Variants in ALMS1 observed in about 807,000 individuals in gnomAD.
The protein encoded by ALMS1 is ALMS1 centrosome and basal body associated protein.
Under a neutral mutation model 352.2 loss-of-function variants are expected in ALMS1, and 271 were observed. The ratio of observed to expected loss-of-function variants is 0.77; its 90% CI spans 0.70 to 0.85. ALMS1 has a LOEUF of 0.85. Ranked by LOEUF, ALMS1 falls within the 40% of genes least tolerant of loss-of-function variation. ALMS1 has a pLI of 0.00. For missense variants in ALMS1, 5,445 were observed against 4,870.7 expected (o/e 1.12, Z -3.51); for synonymous variants, 1,865 against 1,761.2 (o/e 1.06, Z -1.48).
chr2:73,422,723 G>A, intron 3 of ALMS1, 134 bp from the exon 4 acceptor site: 2 of 752,472 alleles, frequency 2.7e-6, no homozygotes, highest in Non-Finnish European at 4.6e-6. Context: ...TACTGCTGTT[G>A]CTTTTATATT....
chr2:73,477,290 AC>A (rs913638652), intron 9 of ALMS1, among the ~76,000 whole-genome samples: 2 of 152,048 alleles, frequency 1.3e-5, no homozygotes, highest in Admixed American at 1.3e-4. Context: ...AAATCAATTT[AC>A]CATAAATGTT....
In ALMS1 at chr2:73,453,242, G is replaced by C. The variant is rs891950136; in HGVS notation, c.6715G>C (p.Ala2239Pro). The change falls in exon 8 of 23, where the codon GCA becomes CCA. Residue 2239 changes from alanine (A) to proline (P), a missense_variant. Ala to Pro is a conservative substitution (Grantham distance 27, BLOSUM62 -1). Transcript: ENST00000613296. ...DRVVINKPES[A>P]GFRDVGSEEI... ...AGTTGTAATAAATAAACCAGAATCT[G>C]CAGGTTTTAGAGATGTTGGCTCTGA... 1.2e-6 allele frequency: 2 copies of C among 1,613,792 alleles called. No homozygotes were observed. Among genetic ancestry groups the C allele is most frequent in the Non-Finnish European group, 1.7e-6 (2 of 1,179,964 alleles).
chr2:73,550,047 A>G (rs1008026405), intron 12 of ALMS1, among the ~76,000 whole-genome samples: 5 of 152,112 alleles, frequency 3.3e-5, no homozygotes, highest in African/African-American at 1.2e-4. Flanking sequence ...TTTAGTAGAA[A>G]TGGGGTTTCA....
At chr2:73,607,570 T>C (rs1194960218) in intron 21 of ALMS1, among the ~76,000 whole-genome samples, 1 of 152,130 alleles carries the variant, frequency 6.6e-6, no homozygotes, top group Non-Finnish European at 1.5e-5. Context: ...AACACTCATT[T>C]TCCCCACCTT....
intron 1 of ALMS1, among the ~76,000 whole-genome samples, chr2:73,389,793 A>C (rs1240407803): frequency 1.3e-5 from 2 of 152,060 alleles, no homozygotes; most frequent in East Asian, 3.9e-4. Context: ...GGGTTCAAGC[A>C]ATTCTCCTGC....
At chr2:73,554,234 A>G (rs952258168) in intron 13 of ALMS1, among the ~76,000 whole-genome samples, 2 of 151,854 alleles carry the variant, frequency 1.3e-5, no homozygotes, top group African/African-American at 4.8e-5. Context: ...TCCAGGACAA[A>G]AAAAAAAAAA....
At chr2:73,387,277 C>T (rs1252529883) in intron 1 of ALMS1, among the ~76,000 whole-genome samples, 2 of 152,330 alleles carry the variant, frequency 1.3e-5, no homozygotes, top group African/African-American at 4.8e-5. Flanking sequence ...GCTTGGTGAA[C>T]CCAAACATTT....
At chr2:73,582,397 A>T (rs1675205064) in intron 16 of ALMS1, among the ~76,000 whole-genome samples, 1 of 152,220 alleles carries the variant, frequency 6.6e-6, no homozygotes, top group South Asian at 2.1e-4. Context: ...ATACCAAAAA[A>T]TTCCCTTCTT....
chr2:73,484,235 T>C lies in ALMS1; in HGVS notation c.7675-5399T>C, dbSNP rs9711238. The stretch of plus-strand genomic sequence containing the variant: ...ACTGGTTGTTCCTTTCCATGTTTAG[T>C]GCTTCCTTCAGGAGCTCTTTTAGGG... On this transcript the variant is annotated intron_variant, in intron 9 of 22. Coordinates refer to ENST00000613296, the MANE Select transcript of ALMS1 (RefSeq NM_001378454.1). Among the ~76,000 whole-genome samples, 64 of 151,930 alleles carry C rather than the reference T, an allele frequency of 4.2e-4. 1 individual carries two copies. Among genetic ancestry groups the C allele is most frequent in the East Asian group, 1.7e-3 (9 of 5,164 alleles).
chr2:73,560,403 T>C (rs938906676), intron 15 of ALMS1, among the ~76,000 whole-genome samples: 2 of 152,148 alleles, frequency 1.3e-5, no homozygotes, highest in Non-Finnish European at 2.9e-5. Context: ...CAAATGTTCG[T>C]GAGGATGCAA....
chr2:73,565,437 G>A (rs1464049360), intron 15 of ALMS1, among the ~76,000 whole-genome samples: 1 of 152,148 alleles, frequency 6.6e-6, no homozygotes, highest in Non-Finnish European at 1.5e-5. Context: ...ACTGATAAAA[G>A]TAAATGATTT....
intron 10 of ALMS1, among the ~76,000 whole-genome samples, chr2:73,512,836 C>G (rs1673479651): frequency 6.6e-6 from 1 of 152,128 alleles, no homozygotes; most frequent in African/African-American, 2.4e-5. Flanking sequence ...TTTTCTTTCT[C>G]CAGCTCTGGA....
In ALMS1 at chr2:73,451,904, G is replaced by C; in HGVS notation, c.5377G>C (p.Asp1793His). 6.2e-7 allele frequency: 1 copy of C among 1,614,082 alleles called. No individual in the cohort carries two copies. Among genetic ancestry groups the C allele is most frequent in the Non-Finnish European group, 8.5e-7 (1 of 1,179,982 alleles). The change falls in exon 8 of 23, where the codon GAC (aspartate) becomes CAC (histidine). Residue 1793 changes from aspartate (D) to histidine (H), a missense_variant. By Grantham distance (81) the Asp-to-His change is moderately conservative (BLOSUM62 -1). Transcript: ENST00000613296. ...LKVSNVPGPADQKTGVSTVTS... is the reference protein window; with the variant it reads ...LKVSNVPGPAHQKTGVSTVTS... The stretch of plus-strand genomic sequence containing the variant: ...AGTTTCAAATGTTCCTGGACCAGCT[G>C]ACCAGAAGACTGGGGTATCAACAGT...
chr2:73,535,907 CT>C (rs1239717146), intron 12 of ALMS1, among the ~76,000 whole-genome samples: 1 of 152,060 alleles, frequency 6.6e-6, no homozygotes, highest in Non-Finnish European at 1.5e-5. Context: ...GAAGTTGCCC[CT>C]GGTCTTAGGC....
At chr2:73,581,137 C>T (rs1170212421) in intron 16 of ALMS1, among the ~76,000 whole-genome samples, 1 of 152,176 alleles carries the variant, frequency 6.6e-6, no homozygotes, top group South Asian at 2.1e-4. Flanking sequence ...AGCCCTTATG[C>T]CCCAAAGATT....
intron 1 of ALMS1, 102 bp downstream of exon 1, chr2:73,386,294 A>G: frequency 7.1e-7 from 1 of 1,398,976 alleles, no homozygotes; most frequent in Non-Finnish European, 9.3e-7. Context: ...CTGACGGAGA[A>G]AACGCGCGCA....
At chr2:73,535,070 T>C in intron 12 of ALMS1, 121 bp downstream of exon 12, 12 of 1,243,110 alleles carry the variant, frequency 9.7e-6, no homozygotes, top group Non-Finnish European at 1.4e-5. Context: ...ATGGAACTTT[T>C]CATACCTTGA....
chr2:73,423,577 G>GAAAACCCACCTTAAATT (rs6146808), intron 4 of ALMS1, among the ~76,000 whole-genome samples: 47,945 of 151,450 alleles, frequency 0.32, 9,692 homozygotes, highest in African/African-American at 0.58. Flanking sequence ...TTTTAGAATT[G>GAAAACCCACCTTAAATT]AAAACCCACC....
At chr2:73,570,289 C>G (rs1674898384) in intron 15 of ALMS1, among the ~76,000 whole-genome samples, 1 of 152,076 alleles carries the variant, frequency 6.6e-6, no homozygotes, top group Non-Finnish European at 1.5e-5. Flanking sequence ...AAAATCGTAG[C>G]TTGAAATGCA....
Sources: gnomAD v4.1 joint callset for allele counts (sites outside exome capture counted in the v4.1 genomes callset) on GRCh38, gnomAD v4.1.1 for gene constraint, MANE v1.5 for transcripts, NCBI Gene and HGNC (gene_info 2026-07-23, HGNC 2026-07-21) for gene names.